Variants in DOCK3 observed in about 807,000 individuals in gnomAD.
DOCK3 encodes the protein dedicator of cytokinesis 3.
DOCK3 carries 60 observed loss-of-function variants against 265.6 expected under a neutral mutation model. The observed-to-expected ratio is 0.23, with a 90% CI of 0.18 to 0.28. DOCK3 has a LOEUF of 0.28. Among genes scored for constraint, DOCK3 ranks in the 10% least tolerant of loss-of-function variants. DOCK3 has a pLI of 1.00. For missense variants in DOCK3, 1,981 were observed against 2,594.3 expected, an observed-to-expected ratio of 0.76 and a Z score of 5.14; for synonymous variants, 881 against 938.0, an observed-to-expected ratio of 0.94 and a Z score of 1.11.
intron 27 of DOCK3, among the ~76,000 whole-genome samples, chr3:51,306,243 T>C (rs914484156): frequency 2.6e-5 from 4 of 152,150 alleles, no homozygotes; most frequent in African/African-American, 9.7e-5. Context: ...ACTTTGAATA[T>C]TTCTGCTGTC....
intron 26 of DOCK3, among the ~76,000 whole-genome samples, chr3:51,279,145 G>A (rs1415316844): frequency 1.3e-5 from 2 of 152,000 alleles, no homozygotes; most frequent in East Asian, 1.9e-4. Flanking sequence ...CCAGCTATTC[G>A]GGAGGCTGAG....
intron 5 of DOCK3, among the ~76,000 whole-genome samples, chr3:51,053,250 T>C (rs1305887078): frequency 6.7e-6 from 1 of 150,346 alleles, no homozygotes; most frequent in Non-Finnish European, 1.5e-5. Flanking sequence ...TTGTTTCTTC[T>C]GGTGTTTTAC....
chr3:51,171,749 T>C (rs1468771044), intron 12 of DOCK3, among the ~76,000 whole-genome samples: 1 of 151,766 alleles, frequency 6.6e-6, no homozygotes, highest in African/African-American at 2.4e-5. Flanking sequence ...TTTTGTGGCC[T>C]AATAAATGCT....
intron 2 of DOCK3, among the ~76,000 whole-genome samples, chr3:50,798,430 T>G (rs2042904341): frequency 2.6e-5 from 4 of 152,180 alleles, no homozygotes; most frequent in Admixed American, 2.0e-4. Flanking sequence ...CACCTACAAA[T>G]GAAATGAGAT....
intron 19 of DOCK3, 130 bp downstream of exon 19, chr3:51,229,739 T>C (rs549771177): frequency 1.7e-6 from 1 of 581,574 alleles, no homozygotes; most frequent in Non-Finnish European, 2.8e-6. Flanking sequence ...TTGTTGTTGT[T>C]GTTAGCTTCC....
chr3:50,901,737 C>A, intron 4 of DOCK3: 1 of 452,506 alleles, frequency 2.2e-6, no homozygotes, highest in Non-Finnish European at 4.4e-6. Flanking sequence ...ATTCCCTGAC[C>A]CTCTTGCTCT....
At chr3:51,085,024 A>G (rs2082370442) in intron 7 of DOCK3, among the ~76,000 whole-genome samples, 1 of 152,236 alleles carries the variant, frequency 6.6e-6, no homozygotes, top group Admixed American at 6.5e-5. Flanking sequence ...GCATGCAATA[A>G]TAGCTATACT....
chr3:51,038,542 A>G (rs1468594958), intron 5 of DOCK3, among the ~76,000 whole-genome samples: 1 of 152,172 alleles, frequency 6.6e-6, no homozygotes, highest in African/African-American at 2.4e-5. Flanking sequence ...TCCCCTTGTT[A>G]AAGTTTATTC....
At chr3:50,938,748 G>A (rs535594562) in intron 5 of DOCK3, among the ~76,000 whole-genome samples, 9 of 152,040 alleles carry the variant, frequency 5.9e-5, no homozygotes, top group Non-Finnish European at 1.2e-4. Context: ...TACTGCAAAA[G>A]CATTGTTGAA....
intron 6 of DOCK3, among the ~76,000 whole-genome samples, chr3:51,066,550 A>G (rs2109296033): frequency 6.6e-6 from 1 of 152,262 alleles, no homozygotes; most frequent in South Asian, 2.1e-4. Context: ...TTATTTTACA[A>G]ATCCCAACCA....
At chr3:50,888,584 G>A in intron 3 of DOCK3, among the ~76,000 whole-genome samples, 1 of 152,136 alleles carries the variant, frequency 6.6e-6, no homozygotes, top group South Asian at 2.1e-4. Flanking sequence ...CAAAGCTGGA[G>A]GCATCATGCT....
chr3:51,170,228 C>T (rs2086607932), intron 12 of DOCK3, among the ~76,000 whole-genome samples: 1 of 152,134 alleles, frequency 6.6e-6, no homozygotes, highest in Non-Finnish European at 1.5e-5. Context: ...GTCTTTTTAT[C>T]TGACTTTACT....
chr3:51,246,945 A>G lies in DOCK3; in HGVS notation c.2184+138A>G, dbSNP rs187583168. 2,140 of 836,314 alleles carry G rather than the reference A, an allele frequency of 2.6e-3. 17 individuals are homozygous for G. The highest frequency in any genetic ancestry group is 0.013 in the Middle Eastern group (39 of 2,904). The allele number at this position is 836,314 out of a possible 1,614,324, so 51.8% of individuals were successfully genotyped here. A position where few individuals can be genotyped will look rare whatever the true frequency, so the allele number is the denominator to read the frequency against. ...TTCAGGAATGACTGTCTTGATCCACATAATTTCTCTTTCCTTACCTTGATT... is the reference window on the plus strand; with the variant it reads ...TTCAGGAATGACTGTCTTGATCCACGTAATTTCTCTTTCCTTACCTTGATT... On this transcript the variant is annotated intron_variant, in intron 22 of 52. Transcript: ENST00000266037.
At chr3:50,927,348 T>C (rs1289172785) in intron 4 of DOCK3, among the ~76,000 whole-genome samples, 1 of 152,214 alleles carries the variant, frequency 6.6e-6, no homozygotes, top group Non-Finnish European at 1.5e-5. Flanking sequence ...ATCTAGTCGT[T>C]TGATAGCACA....
chr3:51,348,796 G>T (rs2085768079), intron 38 of DOCK3, 56 bp from the exon 39 acceptor site: 1 of 1,511,854 alleles, frequency 6.6e-7, no homozygotes, highest in Admixed American at 2.0e-5. Flanking sequence ...GTTTAATGTG[G>T]GCTTAGGCTA....
intron 12 of DOCK3, among the ~76,000 whole-genome samples, chr3:51,194,946 T>C (rs1313438657): frequency 1.3e-5 from 2 of 151,120 alleles, no homozygotes; most frequent in Admixed American, 1.3e-4. Flanking sequence ...TGCCTCAGCC[T>C]CCCAAGTAGC....
At chr3:50,816,011 T>G (rs2044052271) in intron 2 of DOCK3, among the ~76,000 whole-genome samples, 1 of 152,166 alleles carries the variant, frequency 6.6e-6, no homozygotes, top group African/African-American at 2.4e-5. Context: ...GCTGGAATCT[T>G]CTGTGTTCAG....
intron 49 of DOCK3, among the ~76,000 whole-genome samples, chr3:51,370,401 T>C (rs527254001): frequency 4.6e-5 from 7 of 152,320 alleles, no homozygotes; most frequent in Admixed American, 4.6e-4. Flanking sequence ...GGATGGACAT[T>C]TGAACTCAAA....
intron 5 of DOCK3, among the ~76,000 whole-genome samples, chr3:50,978,150 A>C (rs1575662997): frequency 6.6e-6 from 1 of 151,410 alleles, no homozygotes; most frequent in Non-Finnish European, 1.5e-5. Flanking sequence ...AGCTCGTCAA[A>C]GTCATTCTCC....
Sources: allele counts gnomAD v4.1 joint callset (sites outside exome capture counted in the v4.1 genomes callset), GRCh38; gene constraint gnomAD v4.1.1; transcripts MANE v1.5; gene names NCBI Gene and HGNC (gene_info 2026-07-23, HGNC 2026-07-21).